The following GBF1 variants were observed in gnomAD, a reference collection of about 807,000 sequenced individuals.
GBF1 encodes golgi brefeldin A resistant guanine nucleotide exchange factor 1.
GBF1 carries 114 observed loss-of-function variants against 210.5 expected under a neutral mutation model. The observed-to-expected ratio is 0.54, with a 90% CI of 0.47 to 0.63. The LOEUF (loss-of-function observed/expected upper bound fraction) is 0.63. Among genes scored for constraint, GBF1 ranks in the 30% least tolerant of loss-of-function variants. GBF1 has a pLI of 0.00. For synonymous variants in GBF1, 850 were observed against 889.2 expected (o/e 0.96, Z 0.78); for missense variants, 1,851 against 2,357.7 (o/e 0.79, Z 4.45).
intron 1 of GBF1, among the ~76,000 whole-genome samples, chr10:102,246,765 A>G (rs1470839300): frequency 2.0e-5 from 3 of 152,238 alleles, no homozygotes; most frequent in African/African-American, 7.2e-5. Context: ...CACCAAGGGT[A>G]ACGAATGCTT....
intron 3 of GBF1, among the ~76,000 whole-genome samples, chr10:102,311,815 C>T (rs1212947793): frequency 1.3e-5 from 2 of 152,130 alleles, no homozygotes; most frequent in Non-Finnish European, 2.9e-5. Flanking sequence ...TTATTGGTTC[C>T]CTACCATTTC....
At chr10:102,295,164 G>C (rs1453483474) in intron 3 of GBF1, among the ~76,000 whole-genome samples, 1 of 152,106 alleles carries the variant, frequency 6.6e-6, no homozygotes, top group Non-Finnish European at 1.5e-5. Context: ...TTGTTTCTCT[G>C]TCAATATTTA....
chr10:102,309,705 T>TA (rs2078242958), intron 3 of GBF1, among the ~76,000 whole-genome samples: 1 of 152,204 alleles, frequency 6.6e-6, no homozygotes, highest in African/African-American at 2.4e-5. Flanking sequence ...ATAACCTAGT[T>TA]ATGATTTTTG....
intron 3 of GBF1, among the ~76,000 whole-genome samples, chr10:102,325,132 A>G (rs10444022): frequency 0.11 from 17,090 of 152,110 alleles, 1,245 homozygotes; most frequent in East Asian, 0.24. Context: ...GCTTTTCACT[A>G]AAGTTTGTTG....
At chr10:102,372,498 A>C (rs1319037350) in intron 29 of GBF1, among the ~76,000 whole-genome samples, 1 of 152,198 alleles carries the variant, frequency 6.6e-6, no homozygotes, top group Non-Finnish European at 1.5e-5. Flanking sequence ...CTGGACAGCG[A>C]AACTCTGTCT....
chr10:102,377,252 C>A, intron 33 of GBF1, 112 bp downstream of exon 33: 2 of 724,198 alleles, frequency 2.8e-6, no homozygotes, highest in South Asian at 1.7e-5. Context: ...CCAGCCCAGG[C>A]CCTGGACCAC....
rs1000269003 is a variant in GBF1, at chr10:102,357,704, A to C, written c.640-335A>C. 2.0e-5 allele frequency among the ~76,000 whole-genome samples: 3 copies of C among 152,270 alleles called. No homozygotes were observed. In the South Asian group the frequency reaches 6.2e-4, roughly 32 times the overall value. On this transcript the variant is annotated intron_variant, in intron 8 of 39. Transcript: ENST00000369983. ...CCCTTACACTTTCTGCAAGAGGGTC[A>C]TGCATCATCCATAGGGCTCGGGATT... is the stretch of plus-strand genomic sequence containing the variant.
At chr10:102,287,354 T>C (rs1430671639) in intron 3 of GBF1, among the ~76,000 whole-genome samples, 5 of 132,552 alleles carry the variant, frequency 3.8e-5, no homozygotes, top group South Asian at 5.1e-4. Context: ...CTTTTTTTTT[T>C]TTTTTTTTTT....
the GBF1 span, among the ~76,000 whole-genome samples, chr10:102,235,365 C>T: frequency 6.6e-6 from 1 of 152,018 alleles, no homozygotes; most frequent in South Asian, 2.1e-4. Context: ...CAGAAAGTGC[C>T]CAGGCCCCTC....
chr10:102,373,199 A>G (rs2060306807), intron 29 of GBF1, among the ~76,000 whole-genome samples: 1 of 152,258 alleles, frequency 6.6e-6, no homozygotes, highest in Non-Finnish European at 1.5e-5. Context: ...TGGACAAAAC[A>G]TAGGAACAGA....
At chr10:102,271,268 A>C (rs2074388729) in intron 3 of GBF1, among the ~76,000 whole-genome samples, 1 of 152,028 alleles carries the variant, frequency 6.6e-6, no homozygotes, top group Admixed American at 6.6e-5. Flanking sequence ...CAATCTCCTG[A>C]CCTCGTGATC....
intron 1 of GBF1, among the ~76,000 whole-genome samples, chr10:102,256,529 T>G (rs1014756155): frequency 8.4e-6 from 1 of 118,850 alleles, no homozygotes. Flanking sequence ...AATTTTTTTT[T>G]TTTTGGGATG....
chr10:102,337,995 A>G (rs991740284), intron 3 of GBF1, among the ~76,000 whole-genome samples: 20 of 152,198 alleles, frequency 1.3e-4, no homozygotes, highest in African/African-American at 4.1e-4. Context: ...AGTTGAACCT[A>G]GAGAGCAAAA....
the GBF1 span, chr10:102,231,170 C>A: frequency 7.1e-7 from 1 of 1,403,616 alleles, no homozygotes; most frequent in South Asian, 1.5e-5. Context: ...CGGGCCACCC[C>A]GACGGGGCTT....
At position 102,369,955 on chromosome 10, in the gene GBF1, G is replaced by A; in HGVS notation, c.3310G>A (p.Ala1104Thr). 6.2e-7 allele frequency: 1 copy of A among 1,614,154 alleles called. No homozygotes were observed. Among genetic ancestry groups the A allele is most frequent in the South Asian group, 1.1e-5 (1 of 91,086 alleles). ...VRGPSTENQE[A>T]KRVALECIKQ... ...GGGCCCATCCACTGAAAACCAAGAG[G>A]CCAAGAGAGTGGCCTTAGAGTGTAT... Residue 1104 changes from alanine (A) to threonine (T), a missense_variant, in exon 26 of 40, where the codon GCC becomes ACC. By Grantham distance (58) the Ala-to-Thr change is moderately conservative. Around this residue, in one of 3 missense-constraint regions of GBF1, gnomAD observed 967 missense variants for 1,247.7 expected, o/e 0.78. Coordinates refer to ENST00000369983, the MANE Select transcript of GBF1 (RefSeq NM_001377137.1).
chr10:102,244,585 A>G (rs1416544029), upstream of GBF1, among the ~76,000 whole-genome samples: 2 of 152,250 alleles, frequency 1.3e-5, no homozygotes, highest in Admixed American at 6.5e-5. Flanking sequence ...TAAGGCAAAC[A>G]AGAAAGACTT....
At chr10:102,252,595 G>A (rs2071705048) in intron 1 of GBF1, among the ~76,000 whole-genome samples, 1 of 152,072 alleles carries the variant, frequency 6.6e-6, no homozygotes, top group Non-Finnish European at 1.5e-5. Flanking sequence ...TATAATCCCA[G>A]CATTTTGGGA....
At chr10:102,317,252 G>A (rs1225873431) in intron 3 of GBF1, among the ~76,000 whole-genome samples, 3 of 152,260 alleles carry the variant, frequency 2.0e-5, no homozygotes, top group South Asian at 4.1e-4. Flanking sequence ...GCAACATAGT[G>A]AGACCCTGTA....
At chr10:102,231,966 T>C in the GBF1 span, 1 of 1,608,528 alleles carries the variant, frequency 6.2e-7, no homozygotes, top group Non-Finnish European at 8.5e-7. Context: ...CGCTTACCGC[T>C]GTGCTCCTGG....
Sources: allele counts gnomAD v4.1 joint callset (sites outside exome capture counted in the v4.1 genomes callset), GRCh38; gene constraint gnomAD v4.1.1; regional missense constraint gnomAD v4.1.1; transcripts MANE v1.5; gene names NCBI Gene and HGNC (gene_info 2026-07-23, HGNC 2026-07-21).